LRP1B: variants seen among roughly 807,000 people sequenced by gnomAD.
LRP1B encodes low-density lipoprotein receptor-related protein 1B.
LRP1B carries 217 observed loss-of-function variants against 556.6 expected under a neutral mutation model. The ratio of observed to expected loss-of-function variants is 0.39; its 90% CI spans 0.35 to 0.44. The LOEUF (loss-of-function observed/expected upper bound fraction) is 0.44. LRP1B is among the 20% of genes least tolerant of loss of function. The probability of loss-of-function intolerance (pLI) is 1.00; values close to 1 mark genes in which losing one functional copy is unlikely to be tolerated. For synonymous variants in LRP1B, 2,047 were observed against 1,865.8 expected (o/e 1.10, Z -2.50); for missense variants, 5,053 against 5,620.8 (o/e 0.90, Z 3.23).
intron 1 of LRP1B, among the ~76,000 whole-genome samples, chr2:141,878,507 A>G (rs1698844188): frequency 6.6e-6 from 1 of 152,020 alleles, no homozygotes; most frequent in Non-Finnish European, 1.5e-5. Flanking sequence ...TAGGCAATAA[A>G]CAAATAGAAT....
chr2:140,738,841 T>C (rs1688037854), intron 35 of LRP1B, among the ~76,000 whole-genome samples: 1 of 152,214 alleles, frequency 6.6e-6, no homozygotes, highest in African/African-American at 2.4e-5. Context: ...TCGTGACTAA[T>C]TGCCTACATC....
intron 1 of LRP1B, among the ~76,000 whole-genome samples, chr2:141,883,831 C>T (rs1440177582): frequency 6.6e-6 from 1 of 152,098 alleles, no homozygotes; most frequent in African/African-American, 2.4e-5. Flanking sequence ...TTACTTGGGG[C>T]TGTTTAAAAG....
At chr2:140,677,901 A>G (rs898128855) in intron 41 of LRP1B, among the ~76,000 whole-genome samples, 2 of 150,772 alleles carry the variant, frequency 1.3e-5, no homozygotes, top group African/African-American at 2.4e-5. Flanking sequence ...AAAAGCCAAC[A>G]TTAATTGAAT....
intron 1 of LRP1B, among the ~76,000 whole-genome samples, chr2:141,835,722 A>G (rs866821784): frequency 1.3e-5 from 2 of 152,000 alleles, no homozygotes; most frequent in Middle Eastern, 6.8e-3. Context: ...CAAATTTAGG[A>G]CATTACTGAA....
chr2:140,385,889 T>G lies in LRP1B; in HGVS notation c.10531+4A>C, dbSNP rs1683737745. On this transcript the variant is annotated splice_donor_region_variant and intron_variant, in intron 67 of 90. Coordinates refer to ENST00000389484, the MANE Select transcript of LRP1B (RefSeq NM_018557.3). ...CAAAACATTATTAGGCAAGAGTTAC[T>G]TACTACAGTTTTCTTCATCTGAATT... The G allele has an allele frequency of 6.3e-7, 1 of 1,583,756 alleles. No individual in the cohort carries two copies. The highest frequency in any genetic ancestry group is 8.7e-7 in the Non-Finnish European group (1 of 1,152,580).
chr2:141,397,755 G>A (rs1395802810), intron 3 of LRP1B, among the ~76,000 whole-genome samples: 1 of 151,316 alleles, frequency 6.6e-6, no homozygotes, highest in Non-Finnish European at 1.5e-5. Context: ...CAGACATTGT[G>A]CTGAAGGCTG....
At chr2:140,615,371 C>A (rs1683219653) in intron 41 of LRP1B, among the ~76,000 whole-genome samples, 1 of 152,080 alleles carries the variant, frequency 6.6e-6, no homozygotes, top group South Asian at 2.1e-4. Context: ...TAAACCCTAA[C>A]CTCCTAATTT....
At chr2:141,522,768 A>C (rs1684570081) in intron 2 of LRP1B, among the ~76,000 whole-genome samples, 1 of 152,182 alleles carries the variant, frequency 6.6e-6, no homozygotes, top group Non-Finnish European at 1.5e-5. Flanking sequence ...TTGCTTTTAA[A>C]AAAGGTCCAC....
chr2:141,402,499 A>C (rs538804700), intron 3 of LRP1B, among the ~76,000 whole-genome samples: 1 of 152,258 alleles, frequency 6.6e-6, no homozygotes, highest in African/African-American at 2.4e-5. Context: ...ATAAGCTTTC[A>C]AAACATTATT....
At chr2:141,571,584 G>A (rs76109803) in intron 2 of LRP1B, among the ~76,000 whole-genome samples, 1,863 of 152,146 alleles carry the variant, frequency 0.012, 45 homozygotes, top group African/African-American at 0.04. Flanking sequence ...GGATCAAATC[G>A]GCGAATTAAC....
At chr2:140,667,995 A>C (rs137904275) in intron 41 of LRP1B, among the ~76,000 whole-genome samples, 1 of 152,272 alleles carries the variant, frequency 6.6e-6, no homozygotes, top group Non-Finnish European at 1.5e-5. Flanking sequence ...TGAAAATTGA[A>C]ATCAGACTTC....
intron 41 of LRP1B, among the ~76,000 whole-genome samples, chr2:140,606,903 T>A (rs1682887834): frequency 1.3e-5 from 2 of 151,910 alleles, no homozygotes; most frequent in African/African-American, 4.8e-5. Flanking sequence ...AGCAAAGCCT[T>A]CTTAAACATG....
intron 11 of LRP1B, among the ~76,000 whole-genome samples, chr2:141,040,939 A>G (rs1025321491): frequency 1.3e-5 from 2 of 152,092 alleles, no homozygotes; most frequent in African/African-American, 4.8e-5. Context: ...CTTCCTGGCT[A>G]TTCTTCTCTT....
intron 5 of LRP1B, among the ~76,000 whole-genome samples, chr2:141,245,496 G>A (rs1684033101): frequency 6.6e-6 from 1 of 152,050 alleles, no homozygotes; most frequent in Non-Finnish European, 1.5e-5. Flanking sequence ...CATAAGGGAG[G>A]GTGAGGGCAC....
intron 1 of LRP1B, among the ~76,000 whole-genome samples, chr2:141,871,722 G>T (rs193064430): frequency 2.0e-4 from 31 of 151,996 alleles, no homozygotes; most frequent in African/African-American, 7.2e-4. Context: ...CAAAATAGAT[G>T]AATGCACAAT....
chr2:141,046,562 C>T (rs150760534), intron 11 of LRP1B, among the ~76,000 whole-genome samples: 1 of 152,102 alleles, frequency 6.6e-6, no homozygotes, highest in Non-Finnish European at 1.5e-5. Flanking sequence ...AAAATGTTCT[C>T]ATAACCTTCA....
chr2:141,650,163 G>A (rs139756495), intron 2 of LRP1B, among the ~76,000 whole-genome samples: 3 of 152,334 alleles, frequency 2.0e-5, no homozygotes, highest in East Asian at 1.9e-4. Context: ...CTGGGTGACA[G>A]AGCAAAGAGG....
chr2:141,726,897 A>C (rs2105510068), intron 2 of LRP1B, among the ~76,000 whole-genome samples: 1 of 152,276 alleles, frequency 6.6e-6, no homozygotes, highest in Admixed American at 6.5e-5. Flanking sequence ...AGGATTTTGA[A>C]GGATGAGCAG....
intron 7 of LRP1B, among the ~76,000 whole-genome samples, chr2:141,141,999 GT>G (rs898064402): frequency 0.027 from 3,926 of 147,730 alleles, 188 homozygotes; most frequent in African/African-American, 0.093. Flanking sequence ...AAACGATAGG[GT>G]TTTTTTTTTT....
Sources: gnomAD v4.1 joint callset for allele counts (sites outside exome capture counted in the v4.1 genomes callset) on GRCh38, gnomAD v4.1.1 for gene constraint, MANE v1.5 for transcripts, NCBI Gene and HGNC (gene_info 2026-07-23, HGNC 2026-07-21) for gene names.